MBP: variants seen among roughly 807,000 people sequenced by gnomAD.
MBP encodes the protein Golli-MBP.
MBP carries 16 observed loss-of-function variants against 35.8 expected under a neutral mutation model. The ratio of observed to expected loss-of-function variants is 0.45; its 90% confidence interval spans 0.30 to 0.68. MBP has a LOEUF of 0.68. MBP is among the 30% of genes least tolerant of loss of function. The probability of loss-of-function intolerance (pLI) is 0.08; values close to 1 mark genes in which losing one functional copy is unlikely to be tolerated. For synonymous variants in MBP, 143 were observed against 159.6 expected (o/e 0.90, Z 0.78); for missense variants, 380 against 404.7 (o/e 0.94, Z 0.52).
At chr18:77,112,699 G>GA (rs1468371870) in intron 1 of MBP, 2 of 152,374 alleles carry the variant, frequency 1.3e-5, no homozygotes, top group Non-Finnish European at 2.9e-5. Context: ...TGTGTGTGGA[G>GA]AACGCCTAGG....
intron 1 of MBP, among the ~76,000 whole-genome samples, chr18:77,119,601 A>C (rs557947268): frequency 1.3e-5 from 2 of 152,150 alleles, no homozygotes; most frequent in African/African-American, 4.8e-5. Flanking sequence ...CTCTTACCTC[A>C]AGCCGCGCCC....
At chr18:77,057,826 T>G in intron 3 of MBP, among the ~76,000 whole-genome samples, 1 of 1,914 alleles carries the variant, frequency 5.2e-4, no homozygotes, top group Admixed American at 5.2e-3. Context: ...CGGGGAGTGT[T>G]TTTTTTTTTT....
chr18:77,082,114 A>C (rs1974973702), intron 2 of MBP, among the ~76,000 whole-genome samples: 1 of 151,970 alleles, frequency 6.6e-6, no homozygotes, highest in African/African-American at 2.4e-5. Context: ...GGCCTCCCAA[A>C]GTGCTGGGAT....
chr18:77,083,421 G>A (rs1480944786), intron 2 of MBP, among the ~76,000 whole-genome samples: 1 of 152,160 alleles, frequency 6.6e-6, no homozygotes, highest in African/African-American at 2.4e-5. Context: ...TAGTATCAGA[G>A]GAAAACACAG....
At chr18:77,065,143 T>C (rs778003556) in intron 3 of MBP, among the ~76,000 whole-genome samples, 20 of 152,216 alleles carry the variant, frequency 1.3e-4, no homozygotes, top group Non-Finnish European at 2.6e-4. Flanking sequence ...CTTGGTTCAT[T>C]TTCTATTGCT....
intron 1 of MBP, among the ~76,000 whole-genome samples, chr18:77,126,588 T>G (rs987707163): frequency 2.6e-5 from 4 of 151,980 alleles, no homozygotes; most frequent in African/African-American, 9.7e-5. Flanking sequence ...AAAGAAGAAA[T>G]AAAACTATCC....
chr18:77,063,379 C>G (rs972906454), intron 3 of MBP, among the ~76,000 whole-genome samples: 4 of 152,150 alleles, frequency 2.6e-5, no homozygotes, highest in African/African-American at 9.7e-5. Flanking sequence ...GCAGAGGCCT[C>G]CTGGGCCAGC....
chr18:77,034,572 C>T (rs1301254758), intron 3 of MBP, among the ~76,000 whole-genome samples: 1 of 152,226 alleles, frequency 6.6e-6, no homozygotes, highest in East Asian at 1.9e-4. Flanking sequence ...AAACAGATGC[C>T]TGCCTCCCAC....
intron 3 of MBP, among the ~76,000 whole-genome samples, chr18:77,060,192 C>T (rs189408895): frequency 2.0e-5 from 3 of 152,270 alleles, no homozygotes; most frequent in Admixed American, 2.0e-4. Context: ...CCTCTCTCTT[C>T]CACCTCCAGT....
intron 1 of MBP, among the ~76,000 whole-genome samples, chr18:77,107,204 TA>T (rs900797201): frequency 2.3e-4 from 35 of 152,218 alleles, no homozygotes; most frequent in African/African-American, 8.0e-4. Flanking sequence ...TATTCAAAGC[TA>T]AACACAGGCA....
chr18:77,047,449 C>T (rs531683838), intron 3 of MBP, among the ~76,000 whole-genome samples: 27 of 152,324 alleles, frequency 1.8e-4, no homozygotes, highest in Admixed American at 1.1e-3. Flanking sequence ...AAAGTAGATT[C>T]GCAGTGGCCG....
rs1975995098 is a variant in MBP at position 77,101,240 on chromosome 18, G to A, written c.51+3971C>T. Among the ~76,000 whole-genome samples the A allele has an allele frequency of 6.6e-6, 1 of 152,214 alleles. No homozygotes were observed. The highest frequency in any genetic ancestry group is 1.5e-5 in the Non-Finnish European group (1 of 68,038). Reference sequence around the variant, plus strand: ...GTCCCTGGGTTCTCCAGGGCAGCTGGCACCCTTTCCTTCTTGGGTTCTGCC... The same window carrying A: ...GTCCCTGGGTTCTCCAGGGCAGCTGACACCCTTTCCTTCTTGGGTTCTGCC... On this transcript the variant is annotated intron_variant, in intron 2 of 8. Coordinates refer to ENST00000355994, the MANE Select transcript of MBP (RefSeq NM_001025101.2). This position sits in a 1 kb window ranked among gnomAD's most constrained non-coding sequence, Gnocchi z 4.3.
At chr18:76,992,946 C>T (rs1422778907) in intron 4 of MBP, among the ~76,000 whole-genome samples, 1 of 152,194 alleles carries the variant, frequency 6.6e-6, no homozygotes, top group African/African-American at 2.4e-5. Context: ...TCCTTTCTGT[C>T]CACAAGGCCC....
At chr18:77,089,466 A>T (rs1185650869) in intron 2 of MBP, among the ~76,000 whole-genome samples, 1 of 152,204 alleles carries the variant, frequency 6.6e-6, no homozygotes, top group Non-Finnish European at 1.5e-5. Context: ...GAGAGAAGGG[A>T]CACAGCCTCA....
chr18:77,133,532 T>C (rs951047661), upstream of MBP: 1 of 152,244 alleles, frequency 6.6e-6, no homozygotes, highest in African/African-American at 2.4e-5. Flanking sequence ...ACAGATTTAG[T>C]GGTCAGAGAT....
At chr18:77,010,085 G>A in intron 4 of MBP, 1 of 624,098 alleles carries the variant, frequency 1.6e-6, no homozygotes. Flanking sequence ...AGGGAGAGAA[G>A]AAGGCATGTG....
At chr18:77,018,612 T>TCATC (rs58567064) in intron 3 of MBP, among the ~76,000 whole-genome samples, 8,833 of 110,810 alleles carry the variant, frequency 0.08, 448 homozygotes, top group Non-Finnish European at 0.096. Flanking sequence ...ATCTATCCAC[T>TCATC]CATCCATCCA....
intron 1 of MBP, among the ~76,000 whole-genome samples, chr18:77,128,901 G>A (rs540119095): frequency 6.6e-6 from 1 of 152,118 alleles, no homozygotes; most frequent in Middle Eastern, 3.4e-3. Context: ...CATTCTAGTC[G>A]AACTCATGTG....
chr18:77,127,756 T>G (rs1977101032), intron 1 of MBP: 1 of 152,056 alleles, frequency 6.6e-6, no homozygotes, highest in South Asian at 2.1e-4. Flanking sequence ...GATACACAGA[T>G]GGCCATAAGT....
Sources: gnomAD v4.1 joint callset for allele counts (sites outside exome capture counted in the v4.1 genomes callset) on GRCh38, gnomAD v4.1.1 for gene constraint, Gnocchi (gnomAD v3.1) non-coding constraint, MANE v1.5 for transcripts, NCBI Gene and HGNC (gene_info 2026-07-23, HGNC 2026-07-21) for gene names.